The following MPHOSPH9 variants were observed in gnomAD, a reference collection of about 807,000 sequenced individuals.
MPHOSPH9 encodes M-phase phosphoprotein 9.
Under a neutral mutation model 145.5 loss-of-function variants are expected in MPHOSPH9, and 88 were observed. The observed-to-expected ratio is 0.60, with a 90% CI of 0.51 to 0.72. The LOEUF (loss-of-function observed/expected upper bound fraction) is 0.72, where lower values mean the gene tolerates loss of function less well. Among genes scored for constraint, MPHOSPH9 ranks in the 30% least tolerant of loss-of-function variants. The pLI, the probability that MPHOSPH9 is intolerant of heterozygous loss-of-function variation, is 0.00. For missense variants in MPHOSPH9, 1,238 were observed against 1,386.6 expected, an observed-to-expected ratio of 0.89 and a Z score of 1.70; for synonymous variants, 435 against 486.2, an observed-to-expected ratio of 0.89 and a Z score of 1.39.
intron 2 of MPHOSPH9, among the ~76,000 whole-genome samples, chr12:123,227,826 CAAG>C (rs546483461): frequency 2.9e-4 from 44 of 152,292 alleles, no homozygotes; most frequent in African/African-American, 9.9e-4. Context: ...AAGAACACAA[CAAG>C]AAGACCTTCT....
chr12:123,203,694 GTTTC>G (rs758346336), intron 8 of MPHOSPH9, among the ~76,000 whole-genome samples: 30 of 152,100 alleles, frequency 2.0e-4, no homozygotes, highest in Non-Finnish European at 4.1e-4. Flanking sequence ...AGTTTTCTGG[GTTTC>G]TTTGAGACAA....
intron 1 of MPHOSPH9, among the ~76,000 whole-genome samples, chr12:123,232,319 G>C (rs1206956639): frequency 6.6e-6 from 1 of 152,044 alleles, no homozygotes; most frequent in African/African-American, 2.4e-5. Context: ...GGAGGTGCTG[G>C]GGGGAGGGCA....
intron 15 of MPHOSPH9, among the ~76,000 whole-genome samples, chr12:123,179,719 A>C (rs528465983): frequency 9.9e-4 from 149 of 150,858 alleles, no homozygotes; most frequent in African/African-American, 3.5e-3. Flanking sequence ...GTCTCTTTAA[A>C]AAAAAAAAAA....
intron 13 of MPHOSPH9, among the ~76,000 whole-genome samples, chr12:123,187,855 G>A (rs968357792): frequency 6.6e-6 from 1 of 152,192 alleles, no homozygotes; most frequent in Non-Finnish European, 1.5e-5. Context: ...GCTGGGCGCC[G>A]TGGCTCGCAC....
chr12:123,163,343 G>A (rs2044186599), intron 19 of MPHOSPH9: 2 of 478,586 alleles, frequency 4.2e-6, no homozygotes, highest in Non-Finnish European at 7.0e-6. Context: ...ATATCAGACA[G>A]TACTTTCAGC....
chr12:123,162,178 A>G lies in MPHOSPH9; in HGVS notation c.3070T>C (p.Ser1024Pro). 6.3e-7 allele frequency: 1 copy of G among 1,579,326 alleles called. No homozygotes were observed. Among genetic ancestry groups the G allele is most frequent in the Non-Finnish European group, 8.6e-7 (1 of 1,160,312 alleles). The change falls in exon 21 of 24, where the codon TCT (serine) becomes CCT (proline). Residue 1024 changes from serine to proline, a missense_variant. Ser to Pro is a moderately conservative substitution (Grantham distance 74). Transcript: ENST00000606320. ...LLDDLDTVPV[S>P]TLQRTNPRKQ... ...CTTGGATTGGTACGTTGTAATGTAG[A>G]CACAGGAACAGTATCTAAATCATCC...
intron 2 of MPHOSPH9, among the ~76,000 whole-genome samples, chr12:123,227,880 GAA>G (rs1049681854): frequency 1.3e-5 from 2 of 152,168 alleles, no homozygotes; most frequent in African/African-American, 4.8e-5. Context: ...GCAGAAAATA[GAA>G]AAAGTCTGTG....
chr12:123,226,360 TA>T, intron 3 of MPHOSPH9: 1 of 1,163,628 alleles, frequency 8.6e-7, no homozygotes, highest in Non-Finnish European at 1.1e-6. Flanking sequence ...TTCTGAAAAA[TA>T]ACACAAATTA....
chr12:123,219,972 T>C (rs1170536570), intron 5 of MPHOSPH9, among the ~76,000 whole-genome samples: 1 of 152,070 alleles, frequency 6.6e-6, no homozygotes, highest in South Asian at 2.1e-4. Flanking sequence ...GTTGTAAGAC[T>C]ACTAAACTCT....
intron 23 of MPHOSPH9, among the ~76,000 whole-genome samples, chr12:123,158,790 G>A (rs542290463): frequency 3.0e-4 from 46 of 151,376 alleles, no homozygotes; most frequent in East Asian, 1.0e-3. Flanking sequence ...CACCACAACC[G>A]GCTAATTTTT....
Position 123,202,423 on chromosome 12 carries a change from C to T in MPHOSPH9, c.1782-104G>A, listed in dbSNP as rs932702080. On this transcript the variant is annotated intron_variant, in intron 10 of 23. Transcript: ENST00000606320. ...ATGATTCTCATGGGCAAAAATATAG[C>T]ATATTTCCTTTGCATACTACAAAAT... is the stretch of plus-strand genomic sequence containing the variant. 25 of 1,296,966 alleles carry T rather than the reference C, an allele frequency of 1.9e-5. No individual in the cohort carries two copies. In the African/African-American group the frequency reaches 3.3e-4, roughly 17 times the overall value. 80.3% of individuals were successfully genotyped at this position (1,296,966 alleles called of 1,614,324 possible).
At chr12:123,168,481 A>T (rs771820196) in intron 16 of MPHOSPH9, among the ~76,000 whole-genome samples, 1 of 151,666 alleles carries the variant, frequency 6.6e-6, no homozygotes, top group Non-Finnish European at 1.5e-5. Flanking sequence ...AGCTGGGACT[A>T]CAGGCGCCTG....
chr12:123,194,829 C>T (rs2045873740), intron 12 of MPHOSPH9, among the ~76,000 whole-genome samples: 1 of 151,922 alleles, frequency 6.6e-6, no homozygotes, highest in Non-Finnish European at 1.5e-5. Context: ...ACTATGTTGG[C>T]CAGGCTGGTC....
chr12:123,221,011 C>T (rs1212475266), intron 5 of MPHOSPH9, among the ~76,000 whole-genome samples: 3 of 152,144 alleles, frequency 2.0e-5, no homozygotes, highest in Non-Finnish European at 2.9e-5. Context: ...GCCGAGATTG[C>T]GCCACTGCAC....
chr12:123,194,705 T>C, intron 12 of MPHOSPH9, 104 bp from the exon 13 acceptor site: 1 of 757,494 alleles, frequency 1.3e-6, no homozygotes, highest in South Asian at 2.1e-5. Context: ...TACTGCAACC[T>C]CTGCCTCCCA....
rs2047594464 is a variant in MPHOSPH9, at chr12:123,230,398, A to G, written c.-34T>C. On this transcript the variant is annotated 5_prime_UTR_variant, in exon 2 of 24. Transcript: ENST00000606320. ...GAAATTGTTATATTCTCTTATTGGA[A>G]AATAAAGGTTCTTGGGCTGTTTGAG... is the stretch of plus-strand genomic sequence containing the variant. 7.5e-7 allele frequency: 1 copy of G among 1,333,048 alleles called. No individual in the cohort carries two copies. The highest frequency in any genetic ancestry group is 1.0e-6 in the Non-Finnish European group (1 of 978,494). The allele number at this position is 1,333,048 out of a possible 1,614,324, so 82.6% of individuals were successfully genotyped here. A position where few individuals can be genotyped will look rare whatever the true frequency, so the allele number is the denominator to read the frequency against.
At chr12:123,233,381 C>G (rs1246490059), upstream of MPHOSPH9, 1 of 152,268 alleles carries the variant, frequency 6.6e-6, no homozygotes, top group Non-Finnish European at 1.5e-5. Flanking sequence ...CTCGCATGCG[C>G]AGTGAGTAAA....
At chr12:123,172,435 C>T (rs1024877953) in intron 16 of MPHOSPH9, among the ~76,000 whole-genome samples, 1 of 151,602 alleles carries the variant, frequency 6.6e-6, no homozygotes, top group South Asian at 2.1e-4. Context: ...CAGGTTCAAG[C>T]GATTCTCCTG....
chr12:123,203,172 G>A (rs1565945712), intron 9 of MPHOSPH9, 78 bp downstream of exon 9: 1 of 1,591,190 alleles, frequency 6.3e-7, no homozygotes, highest in Non-Finnish European at 8.5e-7. Flanking sequence ...GATCTCCTAG[G>A]GAAAATGAAG....
Sources: gnomAD v4.1 joint callset for allele counts (sites outside exome capture counted in the v4.1 genomes callset) on GRCh38, gnomAD v4.1.1 for gene constraint, MANE v1.5 for transcripts, NCBI Gene and HGNC (gene_info 2026-07-23, HGNC 2026-07-21) for gene names.